Variants in GATB observed in about 807,000 individuals in gnomAD.
GATB encodes the protein glutamyl-tRNA amidotransferase subunit B, also known as glutamyl-tRNA(Gln) amidotransferase subunit B, mitochondrial.
A neutral mutation model predicts 62.3 loss-of-function variants in GATB; 39 were observed. The ratio of observed to expected loss-of-function variants is 0.63; its 90% CI spans 0.48 to 0.82. The LOEUF is 0.82. GATB is among the 40% of genes least tolerant of loss of function. The pLI, the probability that GATB is intolerant of heterozygous loss-of-function variation, is 0.00. For missense variants in GATB, 670 were observed against 684.0 expected (o/e 0.98, Z 0.23); for synonymous variants, 276 against 258.9 (o/e 1.07, Z -0.63).
intron 9 of GATB, among the ~76,000 whole-genome samples, chr4:151,691,987 C>G (rs1033350935): frequency 6.6e-6 from 1 of 152,036 alleles, no homozygotes; most frequent in African/African-American, 2.4e-5. Flanking sequence ...TGCTAAATAT[C>G]TGCTAGACAC....
At chr4:151,759,342 C>G (rs1055049782) in intron 1 of GATB, among the ~76,000 whole-genome samples, 1 of 152,120 alleles carries the variant, frequency 6.6e-6, no homozygotes, top group Non-Finnish European at 1.5e-5. Context: ...CCCACATTAT[C>G]TAGAATTAAC....
chr4:151,695,689 C>A (rs1192003537), intron 9 of GATB, among the ~76,000 whole-genome samples: 1 of 152,144 alleles, frequency 6.6e-6, no homozygotes, highest in Non-Finnish European at 1.5e-5. Context: ...GGACAGGAGG[C>A]ACCAGGCAAA....
intron 11 of GATB, chr4:151,677,410 T>G (rs1738030780): frequency 6.6e-6 from 1 of 152,238 alleles, no homozygotes; most frequent in South Asian, 2.1e-4. Flanking sequence ...ATGGAGCAAC[T>G]GGAACCCTTG....
At chr4:151,728,701 G>C (rs1739185931) in intron 2 of GATB, among the ~76,000 whole-genome samples, 1 of 152,134 alleles carries the variant, frequency 6.6e-6, no homozygotes, top group African/African-American at 2.4e-5. Flanking sequence ...ACCTCAAGAG[G>C]AATCAGTGAT....
intron 8 of GATB, among the ~76,000 whole-genome samples, chr4:151,702,604 G>C (rs528458750): frequency 2.7e-4 from 41 of 152,298 alleles, no homozygotes; most frequent in Admixed American, 1.4e-3. Flanking sequence ...TGGGGAGCGG[G>C]AGTATGTGAG....
chr4:151,745,616 A>C (rs10023298), intron 2 of GATB, among the ~76,000 whole-genome samples: 86,263 of 152,152 alleles, frequency 0.57, 26,181 homozygotes, highest in African/African-American at 0.8. Flanking sequence ...CTCTAGCAGA[A>C]AGCACAGCAT....
At chr4:151,676,053 A>AGTT (rs757338309) in intron 11 of GATB, 7 of 152,248 alleles carry the variant, frequency 4.6e-5, no homozygotes, top group Admixed American at 2.0e-4. Flanking sequence ...GAGCTGTCAC[A>AGTT]GTTACAGAGA....
At chr4:151,729,785 A>T (rs1739207395) in intron 2 of GATB, among the ~76,000 whole-genome samples, 2 of 152,210 alleles carry the variant, frequency 1.3e-5, no homozygotes, top group Admixed American at 6.5e-5. Context: ...CACAAAACTC[A>T]AGGAATCTAT....
intron 2 of GATB, chr4:151,721,894 C>T: frequency 2.5e-6 from 1 of 398,412 alleles, no homozygotes; most frequent in South Asian, 3.8e-5. Flanking sequence ...AGCGCACGGG[C>T]ACTTCATAAA....
chr4:151,702,606 G>T (rs968105823), intron 8 of GATB, among the ~76,000 whole-genome samples: 1 of 152,200 alleles, frequency 6.6e-6, no homozygotes, highest in African/African-American at 2.4e-5. Flanking sequence ...GGGAGCGGGA[G>T]TATGTGAGAA....
chr4:151,695,930 A>ATTTTTTTTTTTTTTT (rs57028979), intron 9 of GATB, among the ~76,000 whole-genome samples: 4 of 122,848 alleles, frequency 3.3e-5, no homozygotes, highest in African/African-American at 6.6e-5. Flanking sequence ...GCTAATTTAA[A>ATTTTTTTTTTTTTTT]TTTTTTTTTT....
At chr4:151,751,402 A>C (rs1189502080) in intron 2 of GATB, among the ~76,000 whole-genome samples, 1 of 152,206 alleles carries the variant, frequency 6.6e-6, no homozygotes, top group African/African-American at 2.4e-5. Context: ...AAAAAACAAA[A>C]CAAAACACAA....
chr4:151,702,980 C>G (rs186730692), intron 8 of GATB, among the ~76,000 whole-genome samples: 2 of 152,098 alleles, frequency 1.3e-5, no homozygotes, highest in African/African-American at 4.8e-5. Flanking sequence ...GCTGAAGCCA[C>G]GGGCGGATGG....
At chr4:151,676,254 C>A (rs1012610885) in intron 11 of GATB, 9 of 152,156 alleles carry the variant, frequency 5.9e-5, no homozygotes, top group Non-Finnish European at 7.3e-5. Context: ...ACATTTTGTA[C>A]ATTAAAAGGT....
intron 1 of GATB, 92 bp from the exon 2 acceptor site, chr4:151,759,014 A>G (rs1164585209): frequency 1.2e-6 from 1 of 867,686 alleles, no homozygotes; most frequent in Non-Finnish European, 1.7e-6. Context: ...AATTTCCTAT[A>G]TGTGTTTTAA....
chr4:151,707,269 C>T (rs578173999), intron 6 of GATB, among the ~76,000 whole-genome samples: 5 of 152,234 alleles, frequency 3.3e-5, no homozygotes, highest in African/African-American at 9.6e-5. Context: ...AATTTCCCCT[C>T]AAGTCTGCTT....
chr4:151,728,322 C>T (rs1393679445), intron 2 of GATB, among the ~76,000 whole-genome samples: 1 of 152,134 alleles, frequency 6.6e-6, no homozygotes, highest in African/African-American at 2.4e-5. Context: ...AAGCTAGTAG[C>T]TACTTTTGAA....
chr4:151,712,878 A>G (rs932076592), intron 5 of GATB, among the ~76,000 whole-genome samples: 2 of 152,134 alleles, frequency 1.3e-5, no homozygotes, highest in Admixed American at 1.3e-4. Flanking sequence ...GAAGTCCCCA[A>G]CCCGGGGGCC....
At chr4:151,715,934 T>A in intron 5 of GATB, 75 bp downstream of exon 5, 1 of 1,496,388 alleles carries the variant, frequency 6.7e-7, no homozygotes, top group Non-Finnish European at 9.0e-7. Flanking sequence ...AGACAGAAAA[T>A]AAAACTAAAG....
Sources: allele counts gnomAD v4.1 joint callset (sites outside exome capture counted in the v4.1 genomes callset), GRCh38; gene constraint gnomAD v4.1.1; transcripts MANE v1.5; gene names NCBI Gene and HGNC (gene_info 2026-07-23, HGNC 2026-07-21).